The following DGKE variants were observed in gnomAD, a reference collection of about 807,000 sequenced individuals.
DGKE encodes the protein DAG kinase epsilon.
DGKE carries 53 observed loss-of-function variants against 70.0 expected under a neutral mutation model. That is an observed-to-expected ratio of 0.76 (90% CI 0.61 to 0.95). The LOEUF is 0.95. DGKE is among the 40% of genes least tolerant of loss of function. DGKE has a pLI of 0.00. For missense variants in DGKE, 655 were observed against 706.9 expected, an observed-to-expected ratio of 0.93 and a Z score of 0.83; for synonymous variants, 291 against 257.0, an observed-to-expected ratio of 1.13 and a Z score of -1.27.
chr17:56,856,207 A>G (rs1393894319), intron 7 of DGKE, among the ~76,000 whole-genome samples: 1 of 152,040 alleles, frequency 6.6e-6, no homozygotes, highest in African/African-American at 2.4e-5. Flanking sequence ...GTAAAGAGCA[A>G]ATGTAATGGG....
Position 56,856,631 on chromosome 17 carries a change from T to C in DGKE, c.1212+6T>C, listed in dbSNP as rs1360588769. On this transcript the variant is annotated splice_donor_region_variant and intron_variant, in intron 8 of 11. Transcript: ENST00000284061. ...CTAGCAGAATTCTTAATAAGGTGTG[T>C]TGGATAAAATAACATTTCCTGCTTA... The C allele has an allele frequency of 6.2e-7, 1 of 1,609,312 alleles. No homozygotes were observed. The highest frequency in any genetic ancestry group is 1.7e-5 in the Admixed American group (1 of 59,064).
chr17:56,848,243 C>T (rs962470803), intron 5 of DGKE, among the ~76,000 whole-genome samples, 178 bp downstream of exon 5: 1 of 151,950 alleles, frequency 6.6e-6, no homozygotes, highest in African/African-American at 2.4e-5. Flanking sequence ...CTGCAACCTC[C>T]ATTTCTCAGG....
At chr17:56,847,795 T>C in intron 4 of DGKE, 127 bp from the exon 5 acceptor site, 2 of 538,906 alleles carry the variant, frequency 3.7e-6, no homozygotes, top group Non-Finnish European at 5.7e-6. Flanking sequence ...GTGCCTGGCA[T>C]ATTGTTAAAT....
chr17:56,840,500 C>T (rs1466536625), intron 2 of DGKE, among the ~76,000 whole-genome samples: 2 of 152,092 alleles, frequency 1.3e-5, no homozygotes, highest in African/African-American at 4.8e-5. Flanking sequence ...CTCAGCCTCC[C>T]GAGTAGCTGG....
In DGKE at chr17:56,867,416, A is replaced by G. The variant is rs1908566447; in HGVS notation, c.*4625A>G. ...GGAGTTTGAGACAAGCCTGGTCAAC[A>G]TGGTGAAACGCCGTCTCTACTAAAA... On this transcript the variant is annotated 3_prime_UTR_variant, in exon 12 of 12. Coordinates refer to ENST00000284061, the MANE Select transcript of DGKE (RefSeq NM_003647.3). 1 of 152,190 alleles carries G rather than the reference A, an allele frequency of 6.6e-6. No homozygotes were observed. The highest frequency in any genetic ancestry group is 6.5e-5 in the Admixed American group (1 of 15,280). The allele number at this position is 152,190 out of a possible 1,614,324, so 9.4% of individuals were successfully genotyped here.
chr17:56,854,208 A>G (rs1297038598), intron 7 of DGKE, among the ~76,000 whole-genome samples: 1 of 152,208 alleles, frequency 6.6e-6, no homozygotes, highest in African/African-American at 2.4e-5. Flanking sequence ...TAATAGGTAC[A>G]AAGTTTTAGT....
chr17:56,844,704 A>T (rs990468699), intron 3 of DGKE, among the ~76,000 whole-genome samples: 1 of 152,166 alleles, frequency 6.6e-6, no homozygotes, highest in African/African-American at 2.4e-5. Context: ...GTCCCTAGAG[A>T]TAAGTTTATG....
At position 56,845,681 on chromosome 17, in the gene DGKE, T is replaced by G. The variant is rs773162092; in HGVS notation, c.625-9T>G. Reference sequence around the variant, plus strand: ...ACTAAACCTTTTCACTCATGGCAATTTTTTTTAGCTAGCCTCTAAGCTTGG... The same window carrying G: ...ACTAAACCTTTTCACTCATGGCAATGTTTTTTAGCTAGCCTCTAAGCTTGG... On this transcript the variant is annotated splice_polypyrimidine_tract_variant and intron_variant, in intron 3 of 11. Transcript: ENST00000284061. 2 of 1,600,674 alleles carry G rather than the reference T, an allele frequency of 1.2e-6. No individual in the cohort carries two copies. The highest frequency in any genetic ancestry group is 2.2e-5 in the East Asian group (1 of 44,524).
rs548120679 is a variant in DGKE, at chr17:56,856,204, G to A, written c.1099-308G>A. Among the ~76,000 whole-genome samples the A allele has an allele frequency of 2.0e-5, 3 of 152,002 alleles. No individual in the cohort carries two copies. The East Asian group carries it at 5.8e-4, about 29-fold the overall frequency. On this transcript the variant is annotated intron_variant, in intron 7 of 11. Transcript: ENST00000284061. ...TTGGAGGCTGTGATAAATGTAAAGA[G>A]CAAATGTAATGGGAACACAGGCATG...
In DGKE at chr17:56,849,230, A is replaced by G. The variant is rs1907502267; in HGVS notation, c.1096A>G (p.Lys366Glu). The G allele has an allele frequency of 6.2e-7, 1 of 1,610,428 alleles. No homozygotes were observed. The highest frequency in any genetic ancestry group is 1.7e-5 in the Admixed American group (1 of 58,956). Reference protein sequence around the residue: ...NKGYYNLRKPKEFTMNNYFSV... With the variant: ...NKGYYNLRKPEEFTMNNYFSV... Reference sequence around the variant, plus strand: ...AGGATACTACAACTTAAGAAAACCCAAGGTATGTTGTTAGTGCCTCAGTTG... The same window carrying G: ...AGGATACTACAACTTAAGAAAACCCGAGGTATGTTGTTAGTGCCTCAGTTG... Residue 366 changes from lysine (K) to glutamate (E), a missense_variant and splice_region_variant, in exon 7 of 12, where the codon AAG (lysine) becomes GAG (glutamate). Physicochemically the swap from Lys to Glu is moderately conservative, Grantham distance 56. Transcript: ENST00000284061.
chr17:56,857,051 T>G (rs1173634139), intron 8 of DGKE, among the ~76,000 whole-genome samples: 1 of 152,032 alleles, frequency 6.6e-6, no homozygotes, highest in Admixed American at 6.6e-5. Flanking sequence ...TGAGCCGAGA[T>G]CATACCACTG....
Position 56,856,601 on chromosome 17 carries a change from G to C in DGKE, c.1188G>C (p.Leu396=). ...CTCATCGTGAGAAGGCACCATCTCTGTTTTCTAGCAGAATTCTTAATAAGG... is the reference window on the plus strand; with the variant it reads ...CTCATCGTGAGAAGGCACCATCTCTCTTTTCTAGCAGAATTCTTAATAAGG... ...FHAHREKAPS[L]FSSRILNKAV... The change falls in exon 8 of 12, where the codon CTG becomes CTC. Residue 396 remains leucine (L), a synonymous_variant. Transcript: ENST00000284061. The C allele has an allele frequency of 1.9e-6, 3 of 1,613,548 alleles. No individual in the cohort carries two copies. Among genetic ancestry groups the C allele is most frequent in the South Asian group, 1.1e-5 (1 of 90,946 alleles).
intron 1 of DGKE, 84 bp from the exon 2 acceptor site, chr17:56,834,694 C>T (rs940241052): frequency 5.3e-6 from 7 of 1,328,548 alleles, no homozygotes; most frequent in East Asian, 4.6e-5. Context: ...ACTGAGGGCG[C>T]CCGGTTTGGC....
At chr17:56,850,781 A>G (rs767884139) in intron 7 of DGKE, among the ~76,000 whole-genome samples, 5 of 152,144 alleles carry the variant, frequency 3.3e-5, no homozygotes, top group African/African-American at 4.8e-5. Context: ...AAAAGCTCAA[A>G]AGTGCCTACA....
chr17:56,857,999 G>A (rs1908048114), intron 8 of DGKE, among the ~76,000 whole-genome samples: 1 of 151,360 alleles, frequency 6.6e-6, no homozygotes, highest in African/African-American at 2.4e-5. Flanking sequence ...CTTGAACCCA[G>A]GAGGCGGAGG....
At chr17:56,853,404 C>T (rs898103962) in intron 7 of DGKE, among the ~76,000 whole-genome samples, 1 of 152,192 alleles carries the variant, frequency 6.6e-6, no homozygotes, top group African/African-American at 2.4e-5. Flanking sequence ...TTTTTCCTTA[C>T]ATTTTCCTTT....
At chr17:56,857,857 G>A (rs1458322029) in intron 8 of DGKE, among the ~76,000 whole-genome samples, 4 of 151,954 alleles carry the variant, frequency 2.6e-5, no homozygotes, top group Non-Finnish European at 4.4e-5. Context: ...GGTAGATCAC[G>A]AGGTCAGGAG....
intron 7 of DGKE, among the ~76,000 whole-genome samples, chr17:56,851,138 A>C (rs1395748027): frequency 1.3e-5 from 2 of 152,186 alleles, no homozygotes; most frequent in African/African-American, 4.8e-5. Context: ...GGCTTCTACC[A>C]CATCACTCAG....
chr17:56,834,930 G>A lies in DGKE; in HGVS notation c.135G>A (p.Ser45=), dbSNP rs2144179751. Residue 45 remains serine (S), a synonymous_variant, in exon 2 of 12, where the codon TCG becomes TCA. Coordinates refer to ENST00000284061, the MANE Select transcript of DGKE (RefSeq NM_003647.3). Reference sequence around the variant, plus strand: ...CCTTCTGGTGTAGCCTCCAGCGGTCGCGCCGGCAGCTGCACCGCAGGGACA... The same window carrying A: ...CCTTCTGGTGTAGCCTCCAGCGGTCACGCCGGCAGCTGCACCGCAGGGACA... The part of the protein sequence containing the change: ...FITFWCSLQR[S]RRQLHRRDIF... 1 of 1,613,450 alleles carries A rather than the reference G, an allele frequency of 6.2e-7. No homozygotes were observed. Among genetic ancestry groups the A allele is most frequent in the Non-Finnish European group, 8.5e-7 (1 of 1,179,956 alleles).
Sources: allele counts gnomAD v4.1 joint callset (sites outside exome capture counted in the v4.1 genomes callset), GRCh38; gene constraint gnomAD v4.1.1; transcripts MANE v1.5; gene names NCBI Gene and HGNC (gene_info 2026-07-23, HGNC 2026-07-21).